The following BCL2 variants were observed in gnomAD, a reference collection of about 807,000 sequenced individuals.
The protein encoded by BCL2 is BCL2 apoptosis regulator.
Under a neutral mutation model 14.2 loss-of-function variants are expected in BCL2, and 1 was observed. The ratio of observed to expected loss-of-function variants is 0.07; its 90% CI spans 0.02 to 0.33. The LOEUF is 0.33. Among genes scored for constraint, BCL2 ranks in the 10% least tolerant of loss-of-function variants. The probability of loss-of-function intolerance (pLI) is 0.99; values close to 1 mark genes in which losing one functional copy is unlikely to be tolerated. For synonymous variants in BCL2, 151 were observed against 137.2 expected (o/e 1.10, Z -0.70); for missense variants, 247 against 305.9 (o/e 0.81, Z 1.44).
intron 2 of BCL2, among the ~76,000 whole-genome samples, chr18:63,185,609 T>C (rs964516277): frequency 1.3e-5 from 2 of 152,236 alleles, no homozygotes; most frequent in African/African-American, 4.8e-5. Context: ...AAGTAACCTA[T>C]CTAAAGTCAT....
chr18:63,129,100 A>G (rs909248104), intron 2 of BCL2, among the ~76,000 whole-genome samples: 14 of 152,206 alleles, frequency 9.2e-5, no homozygotes, highest in African/African-American at 3.4e-4. Flanking sequence ...AGAGAGTGCT[A>G]AGGGCCGAGG....
chr18:63,301,208 T>C (rs1599299858), intron 2 of BCL2, among the ~76,000 whole-genome samples: 1 of 152,146 alleles, frequency 6.6e-6, no homozygotes, highest in Admixed American at 6.5e-5. Flanking sequence ...AGTGGCTACC[T>C]AGGACTGGGG....
chr18:63,151,656 AT>A (rs1477051219), intron 2 of BCL2, among the ~76,000 whole-genome samples: 4 of 152,116 alleles, frequency 2.6e-5, no homozygotes, highest in Non-Finnish European at 5.9e-5. Context: ...GAGCTTATTA[AT>A]TTTCTGTAGG....
At chr18:63,266,656 C>CACACACACAAAA (rs768525120) in intron 2 of BCL2, among the ~76,000 whole-genome samples, 2 of 150,344 alleles carry the variant, frequency 1.3e-5, no homozygotes, top group African/African-American at 4.9e-5. Context: ...CACACACACA[C>CACACACACAAAA]AAAAATATAT....
chr18:63,205,688 G>A (rs921389704), intron 2 of BCL2, among the ~76,000 whole-genome samples: 1 of 152,128 alleles, frequency 6.6e-6, no homozygotes, highest in Admixed American at 6.5e-5. Context: ...ACTAGAGGGG[G>A]TCTAGAAAAA....
At chr18:63,169,848 G>A (rs985316107) in intron 2 of BCL2, among the ~76,000 whole-genome samples, 3 of 152,074 alleles carry the variant, frequency 2.0e-5, no homozygotes, top group African/African-American at 7.2e-5. Context: ...GTAGATGCCG[G>A]TGGCCGTCAT....
rs191606048 is a variant in BCL2 at position 63,247,167 on chromosome 18, C to T, written c.585+70915G>A. 1.7e-3 allele frequency among the ~76,000 whole-genome samples: 257 copies of T among 151,512 alleles called. 2 individuals are homozygous for T. Among genetic ancestry groups the T allele is most frequent in the African/African-American group, 5.7e-3 (235 of 41,262 alleles). On this transcript the variant is annotated intron_variant, in intron 2 of 2. Transcript: ENST00000333681. Reference sequence around the variant, plus strand: ...ACATATACTCAAGTACACATACACACGCACATTTTCTCATCTTTGAAGATG... The same window carrying T: ...ACATATACTCAAGTACACATACACATGCACATTTTCTCATCTTTGAAGATG...
At chr18:63,171,548 T>C (rs1017811927) in intron 2 of BCL2, among the ~76,000 whole-genome samples, 1 of 152,254 alleles carries the variant, frequency 6.6e-6, no homozygotes, top group African/African-American at 2.4e-5. Context: ...AACCAACTGA[T>C]TGATAACATC....
intron 2 of BCL2, among the ~76,000 whole-genome samples, chr18:63,132,300 C>A (rs928791285): frequency 1.3e-5 from 2 of 152,174 alleles, no homozygotes; most frequent in African/African-American, 4.8e-5. Context: ...AAATTGGATA[C>A]AGAAAGTGAG....
At chr18:63,211,529 T>G (rs1047906993) in intron 2 of BCL2, among the ~76,000 whole-genome samples, 2 of 152,226 alleles carry the variant, frequency 1.3e-5, no homozygotes, top group Non-Finnish European at 2.9e-5. Context: ...GTCTTCACCT[T>G]TAAACCTTCA....
At chr18:63,166,437 C>CA (rs1326390240) in intron 2 of BCL2, among the ~76,000 whole-genome samples, 1 of 152,190 alleles carries the variant, frequency 6.6e-6, no homozygotes, top group Non-Finnish European at 1.5e-5. Context: ...GAGGTACCTG[C>CA]AGAAGCCACA....
At chr18:63,158,247 T>C (rs1914834018) in intron 2 of BCL2, among the ~76,000 whole-genome samples, 1 of 152,180 alleles carries the variant, frequency 6.6e-6, no homozygotes, top group Non-Finnish European at 1.5e-5. Flanking sequence ...GAAGGTATTT[T>C]GTTGTCTAAC....
intron 2 of BCL2, among the ~76,000 whole-genome samples, chr18:63,168,544 T>A (rs190281706): frequency 2.0e-5 from 3 of 152,180 alleles, no homozygotes; most frequent in Non-Finnish European, 2.9e-5. Context: ...CTGATGACTC[T>A]GCATGGAGAG....
chr18:63,196,731 G>T (rs1224431683), intron 2 of BCL2, among the ~76,000 whole-genome samples: 1 of 152,066 alleles, frequency 6.6e-6, no homozygotes, highest in Admixed American at 6.6e-5. Context: ...ATTTTTGTTT[G>T]TCAATTAAAA....
intron 2 of BCL2, among the ~76,000 whole-genome samples, chr18:63,166,827 TTTC>T (rs2144624617): frequency 6.6e-6 from 1 of 152,260 alleles, no homozygotes; most frequent in African/African-American, 2.4e-5. Flanking sequence ...CTTATACAGG[TTTC>T]TTTATCATAT....
intron 2 of BCL2, among the ~76,000 whole-genome samples, chr18:63,179,678 G>C (rs1238511301): frequency 6.6e-6 from 1 of 152,164 alleles, no homozygotes; most frequent in East Asian, 1.9e-4. Flanking sequence ...TCTTTACCCA[G>C]CCTGAATCTT....
At chr18:63,171,754 T>C (rs1015273269) in intron 2 of BCL2, among the ~76,000 whole-genome samples, 1 of 152,174 alleles carries the variant, frequency 6.6e-6, no homozygotes, top group African/African-American at 2.4e-5. Context: ...GCTGGAGGAT[T>C]CCTTGAGCCT....
At chr18:63,169,369 C>CTTTCTTTCTTTCTTTCTTTCTCTTTCTT (rs372286465) in intron 2 of BCL2, among the ~76,000 whole-genome samples, 1 of 69,544 alleles carries the variant, frequency 1.4e-5, no homozygotes, top group African/African-American at 9.9e-5. Context: ...TTCTTTCTTT[C>CTTTCTTTCTTTCTTTCTTTCTCTTTCTT]TCTTTCTTTC....
intron 2 of BCL2, among the ~76,000 whole-genome samples, chr18:63,158,877 G>A (rs1253128429): frequency 6.6e-6 from 1 of 152,108 alleles, no homozygotes; most frequent in African/African-American, 2.4e-5. Flanking sequence ...TTTATGCTCA[G>A]GTTATCTACT....
Sources: allele counts gnomAD v4.1 joint callset (sites outside exome capture counted in the v4.1 genomes callset), GRCh38; gene constraint gnomAD v4.1.1; transcripts MANE v1.5; gene names NCBI Gene and HGNC (gene_info 2026-07-23, HGNC 2026-07-21).